KCNQ5: variants seen among roughly 807,000 people sequenced by gnomAD.
KCNQ5 encodes the protein potassium voltage-gated channel subfamily KQT member 5.
A neutral mutation model predicts 98.2 loss-of-function variants in KCNQ5; 30 were observed. The ratio of observed to expected loss-of-function variants is 0.31; its 90% confidence interval spans 0.23 to 0.41. The LOEUF is 0.41. KCNQ5 is among the 10% of genes least tolerant of loss of function. The probability of loss-of-function intolerance (pLI) is 1.00; values close to 1 mark genes in which losing one functional copy is unlikely to be tolerated. For missense variants in KCNQ5, 835 were observed against 1,182.5 expected (o/e 0.71, Z 4.31); for synonymous variants, 458 against 449.4 (o/e 1.02, Z -0.24).
intron 1 of KCNQ5, among the ~76,000 whole-genome samples, chr6:72,627,732 T>C (rs1278958548): frequency 1.3e-5 from 2 of 152,224 alleles, no homozygotes; most frequent in African/African-American, 2.4e-5. Flanking sequence ...TACTCCCCTC[T>C]AATATGCACT....
chr6:72,957,839 T>C (rs555742366), intron 1 of KCNQ5, among the ~76,000 whole-genome samples: 8 of 152,284 alleles, frequency 5.3e-5, no homozygotes, highest in African/African-American at 9.6e-5. Flanking sequence ...GCTTAAGGAG[T>C]TCCCCAGGAA....
intron 1 of KCNQ5, among the ~76,000 whole-genome samples, chr6:72,903,842 G>T (rs1779600359): frequency 1.3e-5 from 2 of 152,160 alleles, no homozygotes; most frequent in African/African-American, 2.4e-5. Flanking sequence ...TATCTGTTAA[G>T]TCCATTTGTT....
intron 1 of KCNQ5, among the ~76,000 whole-genome samples, chr6:72,625,883 T>A (rs1374658505): frequency 6.6e-6 from 1 of 152,248 alleles, no homozygotes; most frequent in Non-Finnish European, 1.5e-5. Context: ...CTCCATTAGA[T>A]GATTTGTAAT....
intron 5 of KCNQ5, among the ~76,000 whole-genome samples, chr6:73,081,044 G>C (rs1323888195): frequency 6.6e-6 from 1 of 152,206 alleles, no homozygotes; most frequent in African/African-American, 2.4e-5. Context: ...AATCAAATAT[G>C]AGAGCTATTG....
At chr6:72,906,279 G>T (rs1779697245) in intron 1 of KCNQ5, among the ~76,000 whole-genome samples, 1 of 152,146 alleles carries the variant, frequency 6.6e-6, no homozygotes, top group Admixed American at 6.5e-5. Context: ...CTGTTTCCAG[G>T]CAGCGGGCAA....
intron 3 of KCNQ5, among the ~76,000 whole-genome samples, chr6:73,075,627 T>A (rs1773505817): frequency 6.6e-6 from 1 of 152,228 alleles, no homozygotes; most frequent in African/African-American, 2.4e-5. Context: ...TTAAAATATG[T>A]CTTTGGTGTC....
At chr6:72,792,314 TG>T (rs1392977216) in intron 1 of KCNQ5, among the ~76,000 whole-genome samples, 2 of 152,218 alleles carry the variant, frequency 1.3e-5, no homozygotes, top group Non-Finnish European at 2.9e-5. Context: ...TCAAGCTTCT[TG>T]TTTTTTCTGC....
intron 1 of KCNQ5, among the ~76,000 whole-genome samples, chr6:72,648,200 G>A (rs1565055339): frequency 6.6e-6 from 1 of 152,126 alleles, no homozygotes; most frequent in South Asian, 2.1e-4. Context: ...AGCCTTTGAC[G>A]TTGGAAGAAC....
chr6:72,789,153 A>ATGTG lies in KCNQ5; in HGVS notation c.398+166586_398+166589dup, dbSNP rs58557571. ...CCCTCCATGGTTTTTGTTCATGTGTATGTGTGTGTGTGTGTGTGTGTGTTG... is the reference window on the plus strand; with the variant it reads ...CCCTCCATGGTTTTTGTTCATGTGTATGTGTGTGTGTGTGTGTGTGTGTGTGTTG... On this transcript the variant is annotated intron_variant, in intron 1 of 13. Transcript: ENST00000370398. Among the ~76,000 whole-genome samples, 549 of 148,802 alleles carry ATGTG rather than the reference A, an allele frequency of 3.7e-3. 5 individuals carry two copies. The highest frequency in any genetic ancestry group is 0.014 in the Admixed American group (207 of 14,938).
chr6:72,677,333 C>T (rs1582098739), intron 1 of KCNQ5: 1 of 152,126 alleles, frequency 6.6e-6, no homozygotes, highest in Non-Finnish European at 1.5e-5. Context: ...GGGATAGTTT[C>T]TAGACAATTT....
chr6:72,714,073 C>G (rs946699660), intron 1 of KCNQ5, among the ~76,000 whole-genome samples: 2 of 152,098 alleles, frequency 1.3e-5, no homozygotes, highest in Non-Finnish European at 2.9e-5. Flanking sequence ...GTGTCCTTAC[C>G]CATTACACAG....
intron 1 of KCNQ5, among the ~76,000 whole-genome samples, chr6:72,915,705 C>T (rs1780107859): frequency 6.6e-6 from 1 of 152,126 alleles, no homozygotes; most frequent in African/African-American, 2.4e-5. Flanking sequence ...ATCACGCACA[C>T]ACACACAGGC....
At chr6:72,918,940 C>T (rs540571082) in intron 1 of KCNQ5, among the ~76,000 whole-genome samples, 4 of 152,144 alleles carry the variant, frequency 2.6e-5, no homozygotes, top group Non-Finnish European at 5.9e-5. Context: ...CTTCTCTTCT[C>T]CCCTCTTGCC....
chr6:72,824,537 C>A lies in KCNQ5; in HGVS notation c.399-179371C>A, dbSNP rs549544027. On this transcript the variant is annotated intron_variant, in intron 1 of 13. Coordinates refer to ENST00000370398, the MANE Select transcript of KCNQ5 (RefSeq NM_019842.4). Reference sequence around the variant, plus strand: ...TTTAAGAGCCTGCAAAATTAACCTGCCTTTCAATTTGCACATGTACTTATT... The same window carrying A: ...TTTAAGAGCCTGCAAAATTAACCTGACTTTCAATTTGCACATGTACTTATT... Among the ~76,000 whole-genome samples, 72 of 152,162 alleles carry A rather than the reference C, an allele frequency of 4.7e-4. No individual in the cohort carries two copies. In the South Asian group the frequency reaches 0.015, roughly 31 times the overall value.
intron 1 of KCNQ5, among the ~76,000 whole-genome samples, chr6:72,630,104 G>A (rs2098919995): frequency 6.6e-6 from 1 of 152,050 alleles, no homozygotes; most frequent in South Asian, 2.1e-4. Context: ...TTATCTTTTA[G>A]CAGAGAATTT....
chr6:72,794,588 A>G (rs995451132), intron 1 of KCNQ5, among the ~76,000 whole-genome samples: 1 of 152,330 alleles, frequency 6.6e-6, no homozygotes, highest in South Asian at 2.1e-4. Flanking sequence ...TTTACTATAT[A>G]TAACATTTCA....
chr6:72,977,901 C>T (rs1768233497), intron 1 of KCNQ5, among the ~76,000 whole-genome samples: 1 of 152,154 alleles, frequency 6.6e-6, no homozygotes, highest in Non-Finnish European at 1.5e-5. Flanking sequence ...GCACCTAGAA[C>T]ACTGCCTGGC....
chr6:73,105,190 C>T (rs4583945), intron 5 of KCNQ5, 67 bp from the exon 6 acceptor site: 1 of 787,998 alleles, frequency 1.3e-6, no homozygotes, highest in Non-Finnish European at 2.0e-6. Context: ...TTGCTTGCCT[C>T]CTGTTCATAG....
intron 1 of KCNQ5, among the ~76,000 whole-genome samples, chr6:72,896,743 T>C (rs992182097): frequency 6.6e-6 from 1 of 152,102 alleles, no homozygotes; most frequent in Admixed American, 6.6e-5. Flanking sequence ...GTCTTCCAAG[T>C]TGGAAAAAGT....
Sources: allele counts gnomAD v4.1 joint callset (sites outside exome capture counted in the v4.1 genomes callset), GRCh38; gene constraint gnomAD v4.1.1; transcripts MANE v1.5; gene names NCBI Gene and HGNC (gene_info 2026-07-23, HGNC 2026-07-21).